Variants in KIF9 observed in about 807,000 individuals in gnomAD.
The protein encoded by KIF9 is kinesin-like protein KIF9.
In KIF9, 68 loss-of-function variants were observed where a neutral mutation model predicts 94.8. The observed-to-expected ratio is 0.72, with a 90% CI of 0.59 to 0.88. The LOEUF is 0.88. Ranked by LOEUF, KIF9 falls within the 40% of genes least tolerant of loss-of-function variation. The pLI, the probability that KIF9 is intolerant of heterozygous loss-of-function variation, is 0.00. For synonymous variants in KIF9, 343 were observed against 362.1 expected (o/e 0.95, Z 0.60); for missense variants, 882 against 982.5 (o/e 0.90, Z 1.37).
intron 5 of KIF9, 29 bp downstream of exon 5, chr3:47,271,203 GAAGGA>G: frequency 6.9e-7 from 1 of 1,449,566 alleles, no homozygotes; most frequent in Non-Finnish European, 9.6e-7. Context: ...GGGAGGGAGA[GAAGGA>G]AAGGAACCCT....
chr3:47,241,086 T>A, intron 16 of KIF9, 71 bp from the exon 17 acceptor site: 1 of 1,381,908 alleles, frequency 7.2e-7, no homozygotes, highest in Non-Finnish European at 1.0e-6. Context: ...GCACTTCATC[T>A]TTCTTCCCTG....
intron 5 of KIF9, among the ~76,000 whole-genome samples, chr3:47,268,644 G>A (rs1701444376): frequency 1.3e-5 from 2 of 149,220 alleles, no homozygotes; most frequent in African/African-American, 5.0e-5. Flanking sequence ...GTGCAGTGGC[G>A]TGATGTTGGC....
At chr3:47,273,769 G>T in intron 3 of KIF9, 111 bp from the exon 4 acceptor site, 1 of 888,986 alleles carries the variant, frequency 1.1e-6, no homozygotes, top group Non-Finnish European at 1.8e-6. Context: ...AAGATGGCCA[G>T]TGGGGGCAGC....
At position 47,282,725 on chromosome 3, in the gene KIF9, A is replaced by G; in HGVS notation, c.-236T>C. Reference sequence around the variant, plus strand: ...AGAGATGGGGCCGATTGATCTAGAAAGACTTCGGCGGATGCACATGCGAAG... The same window carrying G: ...AGAGATGGGGCCGATTGATCTAGAAGGACTTCGGCGGATGCACATGCGAAG... On this transcript the variant is annotated 5_prime_UTR_variant, in exon 1 of 21. Coordinates refer to ENST00000684063, the MANE Select transcript of KIF9 (RefSeq NM_182902.4). 7.1e-7 allele frequency: 1 copy of G among 1,409,068 alleles called. No homozygotes were observed. Among genetic ancestry groups the G allele is most frequent in the South Asian group, 1.5e-5 (1 of 65,726 alleles). 87.3% of individuals were successfully genotyped at this position (1,409,068 alleles called of 1,614,324 possible). A position where few individuals can be genotyped will look rare whatever the true frequency, so the allele number is the denominator to read the frequency against.
Position 47,240,781 on chromosome 3 carries a change from C to T in KIF9, c.1924+20G>A. ...CTCTGAGACCCCAAAGCTCCCTAGC[C>T]CTCTTTCCAACACATTTACCTTGCT... On this transcript the variant is annotated intron_variant, in intron 17 of 20. Transcript: ENST00000684063. 1 of 1,603,348 alleles carries T rather than the reference C, an allele frequency of 6.2e-7. No homozygotes were observed. Among genetic ancestry groups the T allele is most frequent in the Non-Finnish European group, 8.5e-7 (1 of 1,170,420 alleles).
chr3:47,244,786 C>T lies in KIF9; in HGVS notation c.1514+5G>A. 6.2e-7 allele frequency: 1 copy of T among 1,613,658 alleles called. No individual in the cohort carries two copies. Among genetic ancestry groups the T allele is most frequent in the Non-Finnish European group, 8.5e-7 (1 of 1,179,974 alleles). On this transcript the variant is annotated splice_donor_5th_base_variant and intron_variant, in intron 15 of 20. Coordinates refer to ENST00000684063, the MANE Select transcript of KIF9 (RefSeq NM_182902.4). ...CTGAGGAGGCAGAGCGGCAAGGTCA[C>T]TCACCTGAGTGGCTCTTTGAATGTC...
At chr3:47,241,272 A>C (rs1347155506) in intron 16 of KIF9, among the ~76,000 whole-genome samples, 1 of 151,970 alleles carries the variant, frequency 6.6e-6, no homozygotes, top group Non-Finnish European at 1.5e-5. Flanking sequence ...AACAATAAGA[A>C]AAGAAAAGAA....
At chr3:47,265,705 C>T in intron 8 of KIF9, 25 bp downstream of exon 8, 1 of 1,611,470 alleles carries the variant, frequency 6.2e-7, no homozygotes, top group African/African-American at 1.3e-5. Context: ...ACCCTCCTCC[C>T]TGGGCAGCAA....
chr3:47,267,333 A>C, intron 5 of KIF9, 70 bp from the exon 6 acceptor site: 1 of 1,050,440 alleles, frequency 9.5e-7, no homozygotes, highest in Non-Finnish European at 1.5e-6. Context: ...GTCATTTTTC[A>C]ATTATACCAA....
intron 9 of KIF9, among the ~76,000 whole-genome samples, chr3:47,259,265 G>A (rs6787210): frequency 0.96 from 145,858 of 152,290 alleles, 70,175 homozygotes; most frequent in East Asian, 1. Flanking sequence ...CACAGGTTTG[G>A]GCTGAAAGGC....
intron 9 of KIF9, 36 bp downstream of exon 9, chr3:47,264,250 G>T (rs534521768): frequency 6.5e-7 from 1 of 1,533,634 alleles, no homozygotes; most frequent in East Asian, 2.3e-5. Flanking sequence ...CATGAAGGGG[G>T]ATTCCAGCCT....
intron 20 of KIF9, 140 bp from the exon 21 acceptor site, chr3:47,228,842 C>A (rs779419543): frequency 2.7e-5 from 19 of 698,960 alleles, no homozygotes; most frequent in Non-Finnish European, 4.1e-5. Flanking sequence ...TTCTGAGTAG[C>A]CCCAATTCTC....
chr3:47,260,352 T>C (rs1700887636), intron 9 of KIF9, among the ~76,000 whole-genome samples: 1 of 151,694 alleles, frequency 6.6e-6, no homozygotes, highest in Non-Finnish European at 1.5e-5. Context: ...ACTCAGAGGC[T>C]GGCGGGATCC....
chr3:47,257,616 G>C, intron 9 of KIF9, 56 bp from the exon 10 acceptor site: 1 of 1,492,834 alleles, frequency 6.7e-7, no homozygotes, highest in South Asian at 1.1e-5. Flanking sequence ...GAGACCCCAA[G>C]AGACCGGCCT....
At chr3:47,245,905 A>G (rs1699894684) in intron 13 of KIF9, 2 of 483,456 alleles carry the variant, frequency 4.1e-6, no homozygotes, top group Admixed American at 6.9e-5. Context: ...GTTTGCACCC[A>G]AATAAACCAC....
In KIF9 at chr3:47,228,484, G is replaced by A; in HGVS notation, c.*168C>T. 1 of 683,534 alleles carries A rather than the reference G, an allele frequency of 1.5e-6. No individual in the cohort carries two copies. The highest frequency in any genetic ancestry group is 2.7e-6 in the Non-Finnish European group (1 of 375,866). The allele number at this position is 683,534 out of a possible 1,614,324, so 42.3% of individuals were successfully genotyped here. On this transcript the variant is annotated 3_prime_UTR_variant, in exon 21 of 21. Coordinates refer to ENST00000684063, the MANE Select transcript of KIF9 (RefSeq NM_182902.4). ...AAAGTGCTCTGTGGAGATGAGCAAG[G>A]TTGTCCTTGGAGGATGCTCCTCCCA...
chr3:47,230,626 G>A (rs1043525198), intron 20 of KIF9, among the ~76,000 whole-genome samples: 1 of 152,096 alleles, frequency 6.6e-6, no homozygotes, highest in South Asian at 2.1e-4. Context: ...AGCTACTCAG[G>A]AGGCCGAGGA....
At chr3:47,278,851 A>C (rs1174346257) in intron 1 of KIF9, among the ~76,000 whole-genome samples, 1 of 152,126 alleles carries the variant, frequency 6.6e-6, no homozygotes, top group Non-Finnish European at 1.5e-5. Context: ...AGACGCCTGT[A>C]ATCCCAGCTA....
rs763883237 is a variant in KIF9, at chr3:47,277,336, G to C, written c.39C>G (p.Val13=). The C allele has an allele frequency of 2.5e-6, 4 of 1,614,010 alleles. No homozygotes were observed. The highest frequency in any genetic ancestry group is 3.4e-6 in the Non-Finnish European group (4 of 1,179,954). ...TRKKVHAFVR[V]KPTDDFAHEM... is the part of the protein sequence containing the mutation. ...CATGAGCAAAGTCATCGGTGGGTTT[G>C]ACACGGACAAATGCATGAACTTTTT... is the stretch of plus-strand genomic sequence containing the variant. The change falls in exon 2 of 21, where the codon GTC becomes GTG. Residue 13 remains valine, a synonymous_variant. Coordinates refer to ENST00000684063, the MANE Select transcript of KIF9 (RefSeq NM_182902.4).
Sources: allele counts gnomAD v4.1 joint callset (sites outside exome capture counted in the v4.1 genomes callset), GRCh38; gene constraint gnomAD v4.1.1; transcripts MANE v1.5; gene names NCBI Gene and HGNC (gene_info 2026-07-23, HGNC 2026-07-21).